Variants in BTBD9 observed in about 807,000 individuals in gnomAD.
BTBD9 encodes the protein BTB domain containing 9, also known as BTB/POZ domain-containing protein 9.
In BTBD9, 49 loss-of-function variants were observed where a neutral mutation model predicts 64.3. That is an observed-to-expected ratio of 0.76 (90% CI 0.61 to 0.97). The LOEUF (loss-of-function observed/expected upper bound fraction) is 0.97, where lower values mean the gene tolerates loss of function less well. BTBD9 is among the 50% of genes least tolerant of loss of function. The pLI, the probability that BTBD9 is intolerant of heterozygous loss-of-function variation, is 0.00. For missense variants in BTBD9, 598 were observed against 762.1 expected, an observed-to-expected ratio of 0.78 and a Z score of 2.53; for synonymous variants, 260 against 274.7, an observed-to-expected ratio of 0.95 and a Z score of 0.53.
At chr6:38,381,532 C>A (rs994964026) in intron 6 of BTBD9, among the ~76,000 whole-genome samples, 4 of 152,116 alleles carry the variant, frequency 2.6e-5, no homozygotes, top group African/African-American at 9.7e-5. Context: ...CTCTCAGCAA[C>A]TGATAGATCA....
At chr6:38,355,459 T>C (rs1003964524) in intron 6 of BTBD9, among the ~76,000 whole-genome samples, 6 of 152,032 alleles carry the variant, frequency 3.9e-5, no homozygotes, top group African/African-American at 1.4e-4. Flanking sequence ...AGTTTTACCA[T>C]TCATGACCTA....
intron 6 of BTBD9, among the ~76,000 whole-genome samples, chr6:38,576,997 TA>T (rs1258595864): frequency 1.3e-5 from 2 of 152,076 alleles, no homozygotes; most frequent in African/African-American, 4.8e-5. Context: ...ATAACAAAAA[TA>T]AAAGCAGAGG....
At chr6:38,455,376 C>T (rs1327729770) in intron 6 of BTBD9, among the ~76,000 whole-genome samples, 1 of 152,076 alleles carries the variant, frequency 6.6e-6, no homozygotes, top group Non-Finnish European at 1.5e-5. Context: ...TGCTTTGTTG[C>T]CCAAGCTGGT....
chr6:38,473,748 TTAAA>T (rs1377860580), intron 6 of BTBD9, among the ~76,000 whole-genome samples: 2 of 152,134 alleles, frequency 1.3e-5, no homozygotes, highest in African/African-American at 2.4e-5. Context: ...AAGACATACA[TTAAA>T]TAAAGATATA....
At chr6:38,566,603 A>G (rs1775527889) in intron 6 of BTBD9, among the ~76,000 whole-genome samples, 1 of 152,234 alleles carries the variant, frequency 6.6e-6, no homozygotes, top group African/African-American at 2.4e-5. Context: ...CCAACAAAGA[A>G]AAGTGTTTAA....
In BTBD9 at chr6:38,297,171, G is replaced by C. The variant is rs535130233; in HGVS notation, c.1265-8710C>G. Among the ~76,000 whole-genome samples, 1,184 of 152,248 alleles carry C rather than the reference G, an allele frequency of 7.8e-3. 5 individuals are homozygous for C. Among genetic ancestry groups the C allele is most frequent in the Non-Finnish European group, 0.012 (796 of 68,006 alleles). On this transcript the variant is annotated intron_variant, in intron 7 of 10. Coordinates refer to ENST00000481247, the MANE Select transcript of BTBD9 (RefSeq NM_001099272.2). ...TCACAAGGTCAGGAGTTCCAGAGCA[G>C]CCTGGCTAACGTGGTGAAACCCCGT...
rs140544483 is a variant in BTBD9, at chr6:38,636,779, C to A, written c.-28+3021G>T. Among the ~76,000 whole-genome samples, 359 of 152,230 alleles carry A rather than the reference C, an allele frequency of 2.4e-3. 2 individuals carry two copies. The highest frequency in any genetic ancestry group is 8.0e-3 in the African/African-American group (333 of 41,544). On this transcript the variant is annotated intron_variant, in intron 1 of 10. Transcript: ENST00000481247. ...CTTTTTAGGATGAAGTGGAAGACCC[C>A]CTCATAATTTGGCTCCAAAAACAGC...
intron 7 of BTBD9, among the ~76,000 whole-genome samples, chr6:38,336,799 T>C (rs1763912307): frequency 2.0e-5 from 3 of 152,186 alleles, no homozygotes; most frequent in Admixed American, 2.0e-4. Context: ...ACATGACTTA[T>C]TTTACTGAGT....
chr6:38,283,378 G>A (rs930707549), intron 8 of BTBD9, among the ~76,000 whole-genome samples: 2 of 152,108 alleles, frequency 1.3e-5, no homozygotes, highest in African/African-American at 4.8e-5. Context: ...CCAGGTGCAG[G>A]GGCTCACACC....
intron 8 of BTBD9, among the ~76,000 whole-genome samples, chr6:38,272,767 C>G (rs1333247086): frequency 1.3e-5 from 2 of 152,088 alleles, no homozygotes; most frequent in Admixed American, 6.6e-5. Flanking sequence ...TAACAGGGTT[C>G]CTATGAACCT....
At chr6:38,628,716 T>C (rs1778255844) in intron 1 of BTBD9, among the ~76,000 whole-genome samples, 1 of 152,028 alleles carries the variant, frequency 6.6e-6, no homozygotes, top group South Asian at 2.1e-4. Flanking sequence ...TACAAAAATA[T>C]AGAAAGGTAT....
At chr6:38,411,198 C>T (rs891636565) in intron 6 of BTBD9, among the ~76,000 whole-genome samples, 2 of 152,046 alleles carry the variant, frequency 1.3e-5, no homozygotes, top group Non-Finnish European at 2.9e-5. Flanking sequence ...TAACCCATTC[C>T]CCATCAAAAT....
intron 6 of BTBD9, among the ~76,000 whole-genome samples, chr6:38,546,912 C>A (rs924347758): frequency 1.3e-5 from 2 of 152,190 alleles, no homozygotes; most frequent in African/African-American, 4.8e-5. Flanking sequence ...AGGCGATCCA[C>A]CCACCTCAGC....
At chr6:38,345,282 A>G (rs1562054034) in intron 6 of BTBD9, among the ~76,000 whole-genome samples, 189 bp from the exon 7 acceptor site, 2 of 152,236 alleles carry the variant, frequency 1.3e-5, no homozygotes, top group South Asian at 4.1e-4. Flanking sequence ...TAGAAGAATT[A>G]TAGCAAAATA....
chr6:38,527,263 CAAAAAAAAAAA>C (rs55979438), intron 6 of BTBD9, among the ~76,000 whole-genome samples: 10 of 53,338 alleles, frequency 1.9e-4, no homozygotes, highest in East Asian at 1.4e-3. Context: ...GACTCTGTCT[CAAAAAAAAAAA>C]AAAAAAAAAA....
intron 6 of BTBD9, among the ~76,000 whole-genome samples, chr6:38,573,757 C>T (rs146546885): frequency 1.3e-5 from 2 of 152,184 alleles, no homozygotes; most frequent in African/African-American, 4.8e-5. Flanking sequence ...TATATGGCTG[C>T]CAAATTAACA....
chr6:38,597,454 C>G (rs1426325699), intron 2 of BTBD9, among the ~76,000 whole-genome samples: 2 of 152,062 alleles, frequency 1.3e-5, no homozygotes, highest in African/African-American at 2.4e-5. Context: ...CCCAAGTAAC[C>G]AACAACAGCT....
At chr6:38,404,517 T>A (rs1767082172) in intron 6 of BTBD9, among the ~76,000 whole-genome samples, 1 of 151,108 alleles carries the variant, frequency 6.6e-6, no homozygotes, top group Admixed American at 6.6e-5. Flanking sequence ...ATCACACATT[T>A]GAAAAGTGAA....
At chr6:38,248,875 A>C (rs1764296792) in intron 9 of BTBD9, among the ~76,000 whole-genome samples, 1 of 152,240 alleles carries the variant, frequency 6.6e-6, no homozygotes, top group South Asian at 2.1e-4. Context: ...AATATTACTC[A>C]TTTATAAATC....
Sources: allele counts gnomAD v4.1 joint callset (sites outside exome capture counted in the v4.1 genomes callset), GRCh38; gene constraint gnomAD v4.1.1; transcripts MANE v1.5; gene names NCBI Gene and HGNC (gene_info 2026-07-23, HGNC 2026-07-21).